Variants in RELA observed in about 807,000 individuals in gnomAD.
RELA encodes transcription factor p65.
In RELA, 14 loss-of-function variants were observed where a neutral mutation model predicts 56.7. The observed-to-expected ratio is 0.25, with a 90% CI of 0.16 to 0.39. The LOEUF is 0.39. Ranked by LOEUF, RELA falls within the 10% of genes least tolerant of loss-of-function variation. The pLI is 1.00. For synonymous variants in RELA, 315 were observed against 289.7 expected (o/e 1.09, Z -0.89); for missense variants, 559 against 736.4 (o/e 0.76, Z 2.79).
rs1856581348 is a variant in RELA at position 65,662,003 on chromosome 11, C to T, written c.120G>A (p.Gly40=). The T allele has an allele frequency of 6.2e-7, 1 of 1,613,766 alleles. No individual in the cohort carries two copies. The highest frequency in any genetic ancestry group is 2.2e-5 in the East Asian group (1 of 44,884). ...CGCCTGGGATGCTGCCCGCGGAGCG[C>T]CCCTCGCACTTGTAGCGGAAGCGCA... ...RGMRFRYKCE[G]RSAGSIPGER... is the part of the protein sequence containing the mutation. Residue 40 remains glycine (G), a synonymous_variant, in exon 3 of 11, where the codon GGG becomes GGA. Transcript: ENST00000406246.
In RELA at chr11:65,662,297, C is replaced by T. The variant is rs764373553; in HGVS notation, c.8-92G>A. 96 of 1,407,382 alleles carry T rather than the reference C, an allele frequency of 6.8e-5. 2 individuals carry two copies. In the Middle Eastern group the frequency reaches 7.7e-4, roughly 11 times the overall value. The allele number at this position is 1,407,382 out of a possible 1,614,324, so 87.2% of individuals were successfully genotyped here. On this transcript the variant is annotated intron_variant, in intron 1 of 10. Coordinates refer to ENST00000406246, the MANE Select transcript of RELA (RefSeq NM_021975.4). ...CTCCACGGAGAGGAGAAGCCAGGCT[C>T]CCTCCCAGGGGAACTGAGTCAGGAC...
At position 65,654,813 on chromosome 11, in the gene RELA, T is replaced by C; in HGVS notation, c.1221A>G (p.Pro407=). 1 of 1,533,584 alleles carries C rather than the reference T, an allele frequency of 6.5e-7. No individual in the cohort carries two copies. Among genetic ancestry groups the C allele is most frequent in the Non-Finnish European group, 8.8e-7 (1 of 1,137,000 alleles). 95.0% of individuals were successfully genotyped at this position (1,533,584 alleles called of 1,614,324 possible). A position where few individuals can be genotyped will look rare whatever the true frequency, so the allele number is the denominator to read the frequency against. The change falls in exon 11 of 11, where the codon CCA becomes CCG. Residue 407 remains proline (P), a synonymous_variant. Coordinates refer to ENST00000406246, the MANE Select transcript of RELA (RefSeq NM_021975.4). Reference sequence around the variant, plus strand: ...CTGGGGCTAGGACTGGGACAGGGGCTGGGGCCTGGGCCAGAGCTGATACCA... The same window carrying C: ...CTGGGGCTAGGACTGGGACAGGGGCCGGGGCCTGGGCCAGAGCTGATACCA... ...PAMVSALAQA[P]APVPVLAPGP... is the part of the protein sequence containing the mutation.
chr11:65,654,904 G>C lies in RELA; in HGVS notation c.1130C>G (p.Ser377Trp). 6.3e-7 allele frequency: 1 copy of C among 1,593,082 alleles called. No homozygotes were observed. The highest frequency in any genetic ancestry group is 8.5e-7 in the Non-Finnish European group (1 of 1,170,016). The change falls in exon 11 of 11, where the codon TCG becomes TGG. Residue 377 changes from serine (S) to tryptophan (W), a missense_variant. Physicochemically the swap from Ser to Trp is radical, Grantham distance 177. Coordinates refer to ENST00000406246, the MANE Select transcript of RELA (RefSeq NM_021975.4). ...VFPSGQISQA[S>W]ALAPAPPQVL... Reference sequence around the variant, plus strand: ...TTGGGGAGGGGCCGGGGCCAAGGCCGAGGCCTGGCTGATCTGCCCAGAAGG... The same window carrying C: ...TTGGGGAGGGGCCGGGGCCAAGGCCCAGGCCTGGCTGATCTGCCCAGAAGG...
At position 65,655,053 on chromosome 11, in the gene RELA, C is replaced by T. The variant is rs778226252; in HGVS notation, c.1034-53G>A. On this transcript the variant is annotated intron_variant, in intron 10 of 10. Transcript: ENST00000406246. The stretch of plus-strand genomic sequence containing the variant: ...GTCAGAGAAAGCCCTAGAGATCCAC[C>T]CCGTCCTCTGTACCCCAGCCCCTCT... The T allele has an allele frequency of 6.1e-4, 863 of 1,424,764 alleles. 1 individual carries two copies. Among genetic ancestry groups the T allele is most frequent in the Non-Finnish European group, 7.5e-4 (771 of 1,031,870 alleles). The allele number at this position is 1,424,764 out of a possible 1,614,324, so 88.3% of individuals were successfully genotyped here. A position where few individuals can be genotyped will look rare whatever the true frequency, so the allele number is the denominator to read the frequency against.
rs1856347094 is a variant in RELA at position 65,653,951 on chromosome 11, G to A, written c.*427C>T. The stretch of plus-strand genomic sequence containing the variant: ...CAGTGCCATACAGGGGCTGGTATCT[G>A]GGGCGTTATTTTGATTAAGCTGTAA... On this transcript the variant is annotated 3_prime_UTR_variant, in exon 11 of 11. Transcript: ENST00000406246. The A allele has an allele frequency of 7.2e-6, 2 of 276,604 alleles. No individual in the cohort carries two copies. The highest frequency in any genetic ancestry group is 2.3e-5 in the African/African-American group (1 of 42,712). 17.1% of individuals were successfully genotyped at this position (276,604 alleles called of 1,614,324 possible). A position where few individuals can be genotyped will look rare whatever the true frequency, so the allele number is the denominator to read the frequency against.
intron 10 of RELA, 55 bp from the exon 11 acceptor site, chr11:65,655,055 C>G (rs928175066): frequency 4.0e-5 from 56 of 1,398,136 alleles, no homozygotes; most frequent in Non-Finnish European, 5.4e-5. Flanking sequence ...AGATCCACCC[C>G]GTCCTCTGTA....
In RELA at chr11:65,662,171, C is replaced by T; in HGVS notation, c.34+8G>A. On this transcript the variant is annotated splice_region_variant and intron_variant, in intron 2 of 10. Transcript: ENST00000406246. The stretch of plus-strand genomic sequence containing the variant: ...AGCACCTCCCCGACCGCCGCGGGGG[C>T]CACTTACCTGCCGGGAAGATGAGGG... The T allele has an allele frequency of 6.3e-7, 1 of 1,589,306 alleles. No individual in the cohort carries two copies. The highest frequency in any genetic ancestry group is 8.5e-7 in the Non-Finnish European group (1 of 1,172,154).
At chr11:65,660,603 TAAAGTCATCAC>T in intron 4 of RELA, 1 of 228,102 alleles carries the variant, frequency 4.4e-6, no homozygotes, top group South Asian at 6.8e-5. Context: ...CCTCCCAATC[TAAAGTCATCAC>T]ACACCAGCTC....
At chr11:65,660,590 T>C (rs563736210) in intron 4 of RELA, 20 of 242,148 alleles carry the variant, frequency 8.3e-5, no homozygotes, top group African/African-American at 4.3e-4. Context: ...AGGCCTTCCC[T>C]GACCTCCCAA....
chr11:65,661,682 C>T lies in RELA; in HGVS notation c.335+5G>A. ...GCTGGGCCTCCTAGCCTGCAGGGAC[C>T]TCACCTGTGGATGCAGCGGTCCGGG... On this transcript the variant is annotated splice_donor_5th_base_variant and intron_variant, in intron 4 of 10. Coordinates refer to ENST00000406246, the MANE Select transcript of RELA (RefSeq NM_021975.4). 5.1e-6 allele frequency: 8 copies of T among 1,579,816 alleles called. No individual in the cohort carries two copies. The highest frequency in any genetic ancestry group is 6.9e-6 in the Non-Finnish European group (8 of 1,160,450).
chr11:65,656,298 C>G (rs1189014608), intron 8 of RELA, among the ~76,000 whole-genome samples: 1 of 152,228 alleles, frequency 6.6e-6, no homozygotes, highest in Non-Finnish European at 1.5e-5. Flanking sequence ...TCTTGGCACT[C>G]TGGGGCAGCT....
In RELA at chr11:65,661,760, G is replaced by C; in HGVS notation, c.262C>G (p.His88Asp). ...TKDPPHRPHP[H>D]ELVGKDCRDG... ...CGGCAGTCCTTTCCTACAAGCTCGT[G>C]GGGGTGAGGCCGGTGAGGAGGGTCC... The change falls in exon 4 of 11, where the codon CAC becomes GAC. Residue 88 changes from histidine to aspartate, a missense_variant. Physicochemically the swap from His to Asp is moderately conservative, Grantham distance 81. This residue lies in a region of RELA where 149 missense variants were observed against 256.0 expected (regional missense o/e 0.58). Transcript: ENST00000406246. 1.2e-6 allele frequency: 2 copies of C among 1,613,892 alleles called. No homozygotes were observed. The highest frequency in any genetic ancestry group is 1.7e-6 in the Non-Finnish European group (2 of 1,179,930).
At position 65,660,224 on chromosome 11, in the gene RELA, C is replaced by A; in HGVS notation, c.336-9G>T. 2 of 1,613,878 alleles carry A rather than the reference C, an allele frequency of 1.2e-6. No homozygotes were observed. The highest frequency in any genetic ancestry group is 1.7e-6 in the Non-Finnish European group (2 of 1,179,774). On this transcript the variant is annotated splice_polypyrimidine_tract_variant and intron_variant, in intron 4 of 10. Transcript: ENST00000406246. ...TTCCCAGGTTCTGGAAACTGAGCGCCCCCAGTCGTCTGTCCCACTGTCTCT... is the reference window on the plus strand; with the variant it reads ...TTCCCAGGTTCTGGAAACTGAGCGCACCCAGTCGTCTGTCCCACTGTCTCT...
intron 10 of RELA, 119 bp downstream of exon 10, chr11:65,655,569 C>T (rs1389551175): frequency 3.0e-6 from 3 of 997,048 alleles, no homozygotes; most frequent in Admixed American, 4.2e-5. Context: ...CCTGCGCCAT[C>T]CTTTCAAAGC....
Position 65,662,145 on chromosome 11 carries a change from G to A in RELA, c.34+34C>T, listed in dbSNP as rs531077343. ...GCTGCCCCCACTGCCCTACCCCAGG[G>A]AGCACCTCCCCGACCGCCGCGGGGG... On this transcript the variant is annotated intron_variant, in intron 2 of 10. Coordinates refer to ENST00000406246, the MANE Select transcript of RELA (RefSeq NM_021975.4). The A allele has an allele frequency of 7.6e-5, 121 of 1,593,624 alleles. No individual in the cohort carries two copies. The Admixed American group carries it at 1.8e-3, about 23-fold the overall frequency.
Position 65,655,752 on chromosome 11 carries a change from G to A in RELA, c.969C>T (p.Asp323=). 6.2e-7 allele frequency: 1 copy of A among 1,614,020 alleles called. No individual in the cohort carries two copies. The highest frequency in any genetic ancestry group is 8.5e-7 in the Non-Finnish European group (1 of 1,179,970). The part of the protein sequence containing the change: ...MKKSPFSGPT[D]PRPPPRRIAV... ...CAATGCGTCGAGGTGGAGGCCGGGG[G>A]TCGGTGGGTCCTGTAGGGCAAGGGC... The change falls in exon 10 of 11, where the codon GAC becomes GAT. Residue 323 remains aspartate, a synonymous_variant. Transcript: ENST00000406246.
intron 6 of RELA, 23 bp downstream of exon 6, chr11:65,659,643 C>A: frequency 6.2e-7 from 1 of 1,612,818 alleles, no homozygotes; most frequent in Non-Finnish European, 8.5e-7. Flanking sequence ...CTCTCCCCTT[C>A]CTGCGTCTCC....
At chr11:65,657,653 T>C (rs1002121181) in intron 8 of RELA, among the ~76,000 whole-genome samples, 8 of 152,202 alleles carry the variant, frequency 5.3e-5, no homozygotes, top group Admixed American at 2.0e-4. Context: ...CCAGCTTCAA[T>C]GCCACCTTCT....
rs1267463921 is a variant in RELA, at chr11:65,654,590, T to C, written c.1444A>G (p.Ile482Val). 1.2e-6 allele frequency: 2 copies of C among 1,613,424 alleles called. No individual in the cohort carries two copies. The highest frequency in any genetic ancestry group is 3.3e-5 in the Admixed American group (2 of 59,826). Reference protein sequence around the residue: ...SEFQQLLNQGIPVAPHTTEPM... With the variant: ...SEFQQLLNQGVPVAPHTTEPM... ...TCAGTTGTGTGGGGGGCCACAGGTA[T>C]GCCCTGGTTCAGCAGCTGCTGAAAC... The change falls in exon 11 of 11, where the codon ATA (isoleucine) becomes GTA (valine). Residue 482 changes from isoleucine (I) to valine (V), a missense_variant. By Grantham distance (29) the Ile-to-Val change is conservative. This residue lies in a region of RELA where 365 missense variants were observed against 387.5 expected (regional missense o/e 0.94). Coordinates refer to ENST00000406246, the MANE Select transcript of RELA (RefSeq NM_021975.4).
Sources: allele counts gnomAD v4.1 joint callset (sites outside exome capture counted in the v4.1 genomes callset), GRCh38; gene constraint gnomAD v4.1.1; regional missense constraint gnomAD v4.1.1; transcripts MANE v1.5; gene names NCBI Gene and HGNC (gene_info 2026-07-23, HGNC 2026-07-21).